RNLS: variants seen among roughly 807,000 people sequenced by gnomAD.
RNLS encodes the protein renalase.
A neutral mutation model predicts 39.8 loss-of-function variants in RNLS; 39 were observed. The observed-to-expected ratio is 0.98, with a 90% confidence interval of 0.76 to 1.28. The LOEUF (loss-of-function observed/expected upper bound fraction) is 1.28. Ranked by LOEUF, RNLS falls within the 50% of genes most tolerant of loss-of-function variation. The pLI is 0.00. For missense variants in RNLS, 410 were observed against 413.3 expected (o/e 0.99, Z 0.07); for synonymous variants, 147 against 150.7 (o/e 0.98, Z 0.18).
chr10:88,284,870 G>A lies in RNLS; in HGVS notation c.*484C>T, dbSNP rs899686967. ...AACTTGGGGGATAAATGAGAAATAAGAATTACACTCTGTTACCTACATTTT... is the reference window on the plus strand; with the variant it reads ...AACTTGGGGGATAAATGAGAAATAAAAATTACACTCTGTTACCTACATTTT... On this transcript the variant is annotated 3_prime_UTR_variant, in exon 7 of 7. Transcript: ENST00000331772. The A allele has an allele frequency of 7.1e-6, 7 of 985,582 alleles. No individual in the cohort carries two copies. The African/African-American group carries it at 1.0e-4, about 15-fold the overall frequency. 61.1% of individuals were successfully genotyped at this position (985,582 alleles called of 1,614,324 possible). A position where few individuals can be genotyped will look rare whatever the true frequency, so the allele number is the denominator to read the frequency against.
chr10:88,555,138 T>A (rs180860241), intron 4 of RNLS, among the ~76,000 whole-genome samples: 1 of 151,638 alleles, frequency 6.6e-6, no homozygotes, highest in African/African-American at 2.4e-5. Flanking sequence ...TAGAAAAAAA[T>A]GTCTAAGAAA....
intron 6 of RNLS, among the ~76,000 whole-genome samples, chr10:88,307,230 A>G (rs938369565): frequency 1.3e-5 from 2 of 152,236 alleles, no homozygotes; most frequent in African/African-American, 4.8e-5. Flanking sequence ...GATGGGCAAA[A>G]GCTAGGAGTA....
chr10:88,446,993 G>T (rs1362960101), intron 4 of RNLS, among the ~76,000 whole-genome samples: 1 of 152,184 alleles, frequency 6.6e-6, no homozygotes, highest in Non-Finnish European at 1.5e-5. Flanking sequence ...CAATAAATTA[G>T]GTATTGATGG....
chr10:88,331,271 T>G (rs1847092712), intron 5 of RNLS, among the ~76,000 whole-genome samples: 1 of 152,138 alleles, frequency 6.6e-6, no homozygotes. Context: ...TTTTTGGCAG[T>G]GTGTATCAAG....
intron 4 of RNLS, among the ~76,000 whole-genome samples, chr10:88,425,098 A>T (rs950382001): frequency 4.6e-5 from 7 of 152,154 alleles, no homozygotes; most frequent in Admixed American, 4.6e-4. Flanking sequence ...TGCCACAGCC[A>T]TTGGCAGCAT....
the RNLS span, among the ~76,000 whole-genome samples, chr10:88,176,654 CTT>C: frequency 1.3e-5 from 2 of 152,172 alleles, no homozygotes; most frequent in East Asian, 3.9e-4. Context: ...ATATTTGACT[CTT>C]TCCTTTTTCT....
In RNLS at chr10:88,583,082, C is replaced by T; in HGVS notation, c.109G>A (p.Glu37Lys). ...CGTTTAGACAACCCACCTGAGTCCT[C>T]AGCCTTGTCCCACACAGCAAGGTAC... ...PLYLAVWDKAEDSGGRMTTAC... is the reference protein window; with the variant it reads ...PLYLAVWDKAKDSGGRMTTAC... The change falls in exon 1 of 7, where the codon GAG (glutamate) becomes AAG (lysine). Residue 37 changes from glutamate (E) to lysine (K), a missense_variant. Glu to Lys is a moderately conservative substitution (Grantham distance 56, BLOSUM62 1). Coordinates refer to ENST00000331772, the MANE Select transcript of RNLS (RefSeq NM_001031709.3). The T allele has an allele frequency of 6.2e-7, 1 of 1,612,476 alleles. No homozygotes were observed. Among genetic ancestry groups the T allele is most frequent in the East Asian group, 2.2e-5 (1 of 44,788 alleles).
At chr10:88,226,619 T>G in the RNLS span, among the ~76,000 whole-genome samples, 1 of 152,152 alleles carries the variant, frequency 6.6e-6, no homozygotes, top group Non-Finnish European at 1.5e-5. Context: ...ATCAATTCAA[T>G]GTCTGGGTAA....
At chr10:88,311,937 A>T (rs1845413515) in intron 6 of RNLS, among the ~76,000 whole-genome samples, 1 of 152,186 alleles carries the variant, frequency 6.6e-6, no homozygotes, top group Non-Finnish European at 1.5e-5. Flanking sequence ...GTGTTCCCTT[A>T]GGGAGGCTTG....
chr10:88,477,452 G>A (rs977352024), intron 4 of RNLS, among the ~76,000 whole-genome samples: 5 of 152,098 alleles, frequency 3.3e-5, no homozygotes, highest in South Asian at 4.1e-4. Context: ...GGATGACAGC[G>A]ATGGTGGGGA....
intron 4 of RNLS, among the ~76,000 whole-genome samples, chr10:88,367,318 T>C (rs1850199210): frequency 6.6e-6 from 1 of 152,148 alleles, no homozygotes; most frequent in Admixed American, 6.6e-5. Context: ...ATAAACAGAA[T>C]GATATGGTAT....
chr10:88,488,119 T>C (rs1844649834), intron 4 of RNLS, among the ~76,000 whole-genome samples: 1 of 152,070 alleles, frequency 6.6e-6, no homozygotes, highest in African/African-American at 2.4e-5. Context: ...TGAGGAAATT[T>C]GGGGGAGTAG....
At chr10:88,286,060 C>T (rs976552913) in intron 6 of RNLS, among the ~76,000 whole-genome samples, 2 of 152,078 alleles carry the variant, frequency 1.3e-5, no homozygotes, top group Non-Finnish European at 2.9e-5. Context: ...TCTTCCCAGA[C>T]CCCAGAACTG....
At chr10:88,217,418 A>T in the RNLS span, among the ~76,000 whole-genome samples, 2 of 152,192 alleles carry the variant, frequency 1.3e-5, no homozygotes, top group African/African-American at 2.4e-5. Flanking sequence ...AAAATGAAAG[A>T]TCACAACCTT....
chr10:88,344,164 T>C (rs1484503803), intron 5 of RNLS, among the ~76,000 whole-genome samples: 1 of 152,190 alleles, frequency 6.6e-6, no homozygotes, highest in Non-Finnish European at 1.5e-5. Flanking sequence ...GGATATCACT[T>C]TATCACTGCA....
At chr10:88,574,051 G>A (rs1850015046) in intron 3 of RNLS, among the ~76,000 whole-genome samples, 1 of 152,138 alleles carries the variant, frequency 6.6e-6, no homozygotes, top group Non-Finnish European at 1.5e-5. Context: ...TAAGACACGA[G>A]AATCGCTTGA....
intron 4 of RNLS, among the ~76,000 whole-genome samples, chr10:88,389,702 CAT>C (rs1852083415): frequency 6.6e-6 from 1 of 152,080 alleles, no homozygotes; most frequent in Non-Finnish European, 1.5e-5. Flanking sequence ...AGTGAGAATG[CAT>C]ACAGAAATAA....
intron 4 of RNLS, among the ~76,000 whole-genome samples, chr10:88,515,013 A>C (rs563433353): frequency 1.2e-4 from 19 of 152,162 alleles, no homozygotes; most frequent in African/African-American, 4.6e-4. Flanking sequence ...CAAGGGTTCC[A>C]GTTTCTGCAT....
intron 4 of RNLS, among the ~76,000 whole-genome samples, chr10:88,379,331 G>A (rs1851271153): frequency 6.6e-6 from 1 of 152,092 alleles, no homozygotes; most frequent in African/African-American, 2.4e-5. Flanking sequence ...TCACATTCTA[G>A]TAAAATGGCC....
Sources: gnomAD v4.1 joint callset for allele counts (sites outside exome capture counted in the v4.1 genomes callset) on GRCh38, gnomAD v4.1.1 for gene constraint, MANE v1.5 for transcripts, NCBI Gene and HGNC (gene_info 2026-07-23, HGNC 2026-07-21) for gene names.